Variants in DUS3L observed in about 807,000 individuals in gnomAD.
DUS3L encodes dihydrouridine synthase 3 like.
Under a neutral mutation model 74.6 loss-of-function variants are expected in DUS3L, and 62 were observed. That is an observed-to-expected ratio of 0.83 (90% confidence interval 0.68 to 1.03). The LOEUF (loss-of-function observed/expected upper bound fraction) is 1.03, where lower values mean the gene tolerates loss of function less well. Among genes scored for constraint, DUS3L ranks in the 50% least tolerant of loss-of-function variants. DUS3L has a pLI of 0.00. For synonymous variants in DUS3L, 433 were observed against 395.7 expected (o/e 1.09, Z -1.12); for missense variants, 884 against 924.4 (o/e 0.96, Z 0.57).
rs2056844157 is a variant in DUS3L, at chr19:5,786,546, A to G, written c.1487-4T>C. On this transcript the variant is annotated splice_polypyrimidine_tract_variant and splice_region_variant and intron_variant, in intron 9 of 12. Transcript: ENST00000309061. ...AATGACAAGATGTCCCCATTTCCTG[A>G]GGAGACAGAGGCTGGGGTCTCAGGG... is the stretch of plus-strand genomic sequence containing the variant. 1 of 1,612,554 alleles carries G rather than the reference A, an allele frequency of 6.2e-7. No individual in the cohort carries two copies. Among genetic ancestry groups the G allele is most frequent in the South Asian group, 1.1e-5 (1 of 90,960 alleles).
intron 5 of DUS3L, 122 bp downstream of exon 5, chr19:5,787,902 A>G: frequency 2.7e-6 from 4 of 1,478,182 alleles, no homozygotes; most frequent in Non-Finnish European, 3.6e-6. Context: ...TCAGGGCATC[A>G]CCCCCACTCC....
At chr19:5,790,962 A>T (rs2056904598) in intron 1 of DUS3L, 82 bp downstream of exon 1, 5 of 1,358,104 alleles carry the variant, frequency 3.7e-6, no homozygotes, top group Non-Finnish European at 5.1e-6. Flanking sequence ...GCCGCTGCCT[A>T]ATCTCCCGGC....
At chr19:5,787,893 C>G in intron 5 of DUS3L, 131 bp downstream of exon 5, 1 of 1,460,694 alleles carries the variant, frequency 6.8e-7, no homozygotes, top group South Asian at 1.3e-5. Flanking sequence ...AGAGGTGGAT[C>G]AGGGCATCAC....
chr19:5,788,092 G>C lies in DUS3L; in HGVS notation c.1027C>G (p.Leu343Val). Residue 343 changes from leucine to valine, a missense_variant, in exon 5 of 13, where the codon CTG (leucine) becomes GTG (valine). By Grantham distance (32) the Leu-to-Val change is conservative (BLOSUM62 1). Coordinates refer to ENST00000309061, the MANE Select transcript of DUS3L (RefSeq NM_020175.3). ...GCCCACTCGGACATCTGGCCCTGCA[G>C]CAGGTTGGTGCAGACGGCCATCTCT... ...CGEMAVCTNL[L>V]QGQMSEWALL... 1 of 1,613,782 alleles carries C rather than the reference G, an allele frequency of 6.2e-7. No homozygotes were observed. The highest frequency in any genetic ancestry group is 8.5e-7 in the Non-Finnish European group (1 of 1,180,032).
chr19:5,785,424 C>G lies in DUS3L; in HGVS notation c.1839G>C (p.Thr613=). 1.3e-6 allele frequency: 2 copies of G among 1,593,690 alleles called. No homozygotes were observed. Among genetic ancestry groups the G allele is most frequent in the Non-Finnish European group, 1.7e-6 (2 of 1,169,596 alleles). The part of the protein sequence containing the change: ...PYYLGRDYLE[T]LMASQKAADW... Reference sequence around the variant, plus strand: ...CGGCTGCCTTCTGGCTGGCCATCAGCGTCTCCAGGTAGTCGCGGCCCAGGT... The same window carrying G: ...CGGCTGCCTTCTGGCTGGCCATCAGGGTCTCCAGGTAGTCGCGGCCCAGGT... Residue 613 remains threonine, a synonymous_variant, in exon 12 of 13, where the codon ACG becomes ACC. Transcript: ENST00000309061.
chr19:5,790,403 A>G, intron 1 of DUS3L, 68 bp from the exon 2 acceptor site: 1 of 1,581,664 alleles, frequency 6.3e-7, no homozygotes, highest in African/African-American at 1.3e-5. Context: ...AGGAGGCTAG[A>G]AACACTTGCA....
rs745969182 is a variant in DUS3L, at chr19:5,785,172, C to T, written c.*31G>A. The T allele has an allele frequency of 1.0e-5, 16 of 1,576,836 alleles. 1 individual carries two copies. Among genetic ancestry groups the T allele is most frequent in the South Asian group, 4.6e-5 (4 of 86,840 alleles). ...AGAATAAAATTTATTGTACTCTCCTCGCCCCAGGGTGCCCCTGGGAAAGCC... is the reference window on the plus strand; with the variant it reads ...AGAATAAAATTTATTGTACTCTCCTTGCCCCAGGGTGCCCCTGGGAAAGCC... On this transcript the variant is annotated 3_prime_UTR_variant, in exon 13 of 13. Coordinates refer to ENST00000309061, the MANE Select transcript of DUS3L (RefSeq NM_020175.3).
chr19:5,787,641 A>G lies in DUS3L; in HGVS notation c.1160T>C (p.Val387Ala). 1 of 1,613,724 alleles carries G rather than the reference A, an allele frequency of 6.2e-7. No individual in the cohort carries two copies. The highest frequency in any genetic ancestry group is 2.2e-5 in the East Asian group (1 of 44,870). ...GCCGACGTTGATGTCCACAAAGTCC[A>G]CCTCCACGGTGCGGCTCAGCAGCTC... ...CAELLSRTVE[V>A]DFVDINVGCP... The change falls in exon 6 of 13, where the codon GTG (valine) becomes GCG (alanine). Residue 387 changes from valine to alanine, a missense_variant. Coordinates refer to ENST00000309061, the MANE Select transcript of DUS3L (RefSeq NM_020175.3).
chr19:5,785,774 G>C lies in DUS3L; in HGVS notation c.1580C>G (p.Pro527Arg). ...CTCCTTGATCTCCGTGAAGAGCCAC[G>C]GCTTGAGCAGGGCGCCACTGTGGGA... The part of the protein sequence containing the change: ...IMIARGALLK[P>R]WLFTEIKEQR... The change falls in exon 11 of 13, where the codon CCG (proline) becomes CGG (arginine). Residue 527 changes from proline (P) to arginine (R), a missense_variant. Coordinates refer to ENST00000309061, the MANE Select transcript of DUS3L (RefSeq NM_020175.3). 6.2e-7 allele frequency: 1 copy of C among 1,602,770 alleles called. No individual in the cohort carries two copies. The highest frequency in any genetic ancestry group is 8.5e-7 in the Non-Finnish European group (1 of 1,176,056).
chr19:5,790,375 T>G (rs1374043647), intron 1 of DUS3L, 40 bp from the exon 2 acceptor site: 1 of 1,610,384 alleles, frequency 6.2e-7, no homozygotes, highest in Non-Finnish European at 8.5e-7. Flanking sequence ...CCGAACATAG[T>G]CAATAAACAC....
rs2290776 is a variant in DUS3L, at chr19:5,791,156, T to G, written c.-15A>C. On this transcript the variant is annotated 5_prime_UTR_variant, in exon 1 of 13. The change abolishes an upstream ATG in the 5' untranslated region. Coordinates refer to ENST00000309061, the MANE Select transcript of DUS3L (RefSeq NM_020175.3). ...CCCTCCGCCATCGGCGCCCCTCACA[T>G]CCGCTCTGGAGTGTGGCGGGAAGAC... is the stretch of plus-strand genomic sequence containing the variant. The G allele has an allele frequency of 6.3e-7, 1 of 1,593,316 alleles. No individual in the cohort carries two copies. The highest frequency in any genetic ancestry group is 8.5e-7 in the Non-Finnish European group (1 of 1,169,952).
At position 5,785,357 on chromosome 19, in the gene DUS3L, TCCCCAACTCCAGCC is replaced by T. The variant is rs755825351; in HGVS notation, c.1880+12_1880+25del. ...GTGACCCCGGGCCCCCGACTGCAGC[TCCCCAACTCCAGCC>T]CACCCAGGCACCTGATGCGGATCCA... On this transcript the variant is annotated intron_variant, in intron 12 of 12. Transcript: ENST00000309061. 6.2e-7 allele frequency: 1 copy of T among 1,603,372 alleles called. No individual in the cohort carries two copies. Among genetic ancestry groups the T allele is most frequent in the Non-Finnish European group, 8.5e-7 (1 of 1,174,400 alleles).
chr19:5,790,552 T>C (rs1227229259), intron 1 of DUS3L, among the ~76,000 whole-genome samples: 1 of 152,088 alleles, frequency 6.6e-6, no homozygotes, highest in Non-Finnish European at 1.5e-5. Context: ...GCGAAACTAT[T>C]ATCAGGTTCA....
intron 3 of DUS3L, 134 bp downstream of exon 3, chr19:5,789,073 T>C (rs1209223456): frequency 7.6e-7 from 1 of 1,308,720 alleles, no homozygotes; most frequent in Non-Finnish European, 1.0e-6. Flanking sequence ...AGAGGGAGAC[T>C]CAGCCAGGAG....
intron 8 of DUS3L, 53 bp from the exon 9 acceptor site, chr19:5,786,898 G>C: frequency 3.2e-6 from 5 of 1,550,628 alleles, no homozygotes; most frequent in South Asian, 1.2e-5. Flanking sequence ...GACGCAGAGA[G>C]GAAGAGACCA....
At chr19:5,786,963 G>A in intron 8 of DUS3L, 98 bp downstream of exon 8, 6 of 1,488,642 alleles carry the variant, frequency 4.0e-6, no homozygotes, top group Non-Finnish European at 5.4e-6. Flanking sequence ...AGAGGGAGGT[G>A]TGGAGGTGAA....
At chr19:5,785,355 G>A (rs1442611010) in intron 12 of DUS3L, 28 bp downstream of exon 12, 1 of 1,604,774 alleles carries the variant, frequency 6.2e-7, no homozygotes, top group Non-Finnish European at 8.5e-7. Context: ...CCCGACTGCA[G>A]CTCCCCAACT....
intron 1 of DUS3L, 129 bp downstream of exon 1, chr19:5,790,915 C>A: frequency 2.2e-6 from 2 of 909,852 alleles, no homozygotes; most frequent in East Asian, 5.3e-5. Context: ...GGCGGAAGAA[C>A]GGCCCGGAAT....
At chr19:5,785,545 T>G in intron 11 of DUS3L, 34 bp from the exon 12 acceptor site, 1 of 1,550,530 alleles carries the variant, frequency 6.4e-7, no homozygotes, top group African/African-American at 1.4e-5. Context: ...CAGGCTTGAG[T>G]CAGCTCTAAC....
Sources: gnomAD v4.1 joint callset for allele counts (sites outside exome capture counted in the v4.1 genomes callset) on GRCh38, gnomAD v4.1.1 for gene constraint, MANE v1.5 for transcripts, NCBI Gene and HGNC (gene_info 2026-07-23, HGNC 2026-07-21) for gene names.